IL1R2: variants seen among roughly 807,000 people sequenced by gnomAD.
IL1R2 encodes the protein interleukin-1 receptor type 2.
In IL1R2, 46 loss-of-function variants were observed where a neutral mutation model predicts 39.5. The observed-to-expected ratio is 1.16, with a 90% confidence interval of 0.92 to 1.49. The LOEUF (loss-of-function observed/expected upper bound fraction) is 1.49. Among genes scored for constraint, IL1R2 ranks in the 40% most tolerant of loss-of-function variants. IL1R2 has a pLI of 0.00. For missense variants in IL1R2, 537 were observed against 502.0 expected, an observed-to-expected ratio of 1.07 and a Z score of -0.67; for synonymous variants, 207 against 189.6, an observed-to-expected ratio of 1.09 and a Z score of -0.75.
chr2:102,013,218 C>A (rs1429613445), intron 3 of IL1R2, among the ~76,000 whole-genome samples: 1 of 152,088 alleles, frequency 6.6e-6, no homozygotes, highest in Non-Finnish European at 1.5e-5. Context: ...CAGTGTATGT[C>A]AAACTTTCTT....
intron 1 of IL1R2, among the ~76,000 whole-genome samples, chr2:101,992,740 C>T (rs190444139): frequency 9.4e-4 from 142 of 151,130 alleles, no homozygotes; most frequent in Non-Finnish European, 1.3e-3. Context: ...CAGAGAGAAA[C>T]ACAGAGACAG....
intron 1 of IL1R2, among the ~76,000 whole-genome samples, chr2:102,008,061 G>T (rs1207200468): frequency 6.6e-6 from 1 of 152,196 alleles, no homozygotes; most frequent in Non-Finnish European, 1.5e-5. Context: ...GGCTGATGAT[G>T]AATGCCACAG....
chr2:102,001,015 C>A (rs370893328), intron 1 of IL1R2, among the ~76,000 whole-genome samples: 26 of 152,276 alleles, frequency 1.7e-4, no homozygotes, highest in African/African-American at 6.3e-4. Context: ...AGGATGGTAA[C>A]TGTTCCAGGC....
intron 4 of IL1R2, among the ~76,000 whole-genome samples, chr2:102,017,125 T>C (rs1384976256): frequency 2.0e-5 from 3 of 152,048 alleles, no homozygotes; most frequent in Admixed American, 6.5e-5. Flanking sequence ...CAGCTGGGCG[T>C]GGTGGCTCAC....
intron 4 of IL1R2, among the ~76,000 whole-genome samples, chr2:102,017,749 A>G (rs1677100084): frequency 2.0e-5 from 3 of 146,372 alleles, no homozygotes; most frequent in Admixed American, 2.0e-4. Flanking sequence ...ACACAGCCAC[A>G]TCCTCTTGTT....
rs3218845 is a variant in IL1R2 at position 102,007,357 on chromosome 2, C to T, written c.-61-1158C>T. On this transcript the variant is annotated intron_variant, in intron 1 of 8. Coordinates refer to ENST00000332549, the MANE Select transcript of IL1R2 (RefSeq NM_004633.4). ...GTTAGCAGGACACCAAATCTCTTGGCGCATGTCAGAGTTGTATGTAAAACA... is the reference window on the plus strand; with the variant it reads ...GTTAGCAGGACACCAAATCTCTTGGTGCATGTCAGAGTTGTATGTAAAACA... Among the ~76,000 whole-genome samples the T allele has an allele frequency of 3.6e-3, 543 of 152,168 alleles. 2 individuals carry two copies. Among genetic ancestry groups the T allele is most frequent in the African/African-American group, 0.012 (507 of 41,528 alleles).
intron 1 of IL1R2, among the ~76,000 whole-genome samples, chr2:102,003,840 T>TCTGTGTCTGTGTCTGTGG (rs1676083433): frequency 9.7e-6 from 1 of 102,844 alleles, no homozygotes; most frequent in Non-Finnish European, 2.0e-5. Context: ...TGTGTCTGTG[T>TCTGTGTCTGTGTCTGTGG]CTGTGTCTGT....
Position 102,013,687 on chromosome 2 carries a change from T to C in IL1R2, c.333-2184T>C, listed in dbSNP as rs143414359. 2.1e-3 allele frequency among the ~76,000 whole-genome samples: 322 copies of C among 152,010 alleles called. 1 individual carries two copies. The highest frequency in any genetic ancestry group is 6.1e-3 in the African/African-American group (253 of 41,444). ...GCTTAAAATAACAAGGGCTTATTTC[T>C]TACACATGCAACAGGTCCATTGTGG... On this transcript the variant is annotated intron_variant, in intron 3 of 8. Coordinates refer to ENST00000332549, the MANE Select transcript of IL1R2 (RefSeq NM_004633.4).
chr2:102,018,923 C>T lies in IL1R2; in HGVS notation c.514-715C>T, dbSNP rs530862514. Among the ~76,000 whole-genome samples, 38 of 152,284 alleles carry T rather than the reference C, an allele frequency of 2.5e-4. 1 individual carries two copies. Among genetic ancestry groups the T allele is most frequent in the South Asian group, 1.5e-3 (7 of 4,824 alleles). ...GCAATTTCAATTTTATCTGTGTTCT[C>T]GTTCGGAGTAAGATTCTGAAGTGAC... On this transcript the variant is annotated intron_variant, in intron 4 of 8. Coordinates refer to ENST00000332549, the MANE Select transcript of IL1R2 (RefSeq NM_004633.4).
chr2:102,009,096 G>T (rs1676457044), intron 2 of IL1R2, among the ~76,000 whole-genome samples: 1 of 152,036 alleles, frequency 6.6e-6, no homozygotes, highest in East Asian at 1.9e-4. Flanking sequence ...GTGCGAATGT[G>T]CTTGTCAAAG....
intron 5 of IL1R2, among the ~76,000 whole-genome samples, chr2:102,021,786 A>G (rs548130080): frequency 2.9e-4 from 44 of 152,324 alleles, no homozygotes; most frequent in Middle Eastern, 3.4e-3. Context: ...AGTCTTGAGT[A>G]TTTTGTGGCA....
chr2:102,027,096 A>G (rs1677789454), intron 8 of IL1R2, among the ~76,000 whole-genome samples: 1 of 152,158 alleles, frequency 6.6e-6, no homozygotes, highest in Non-Finnish European at 1.5e-5. Context: ...CCAGCCTCAC[A>G]CTCACCTGAG....
At position 102,022,225 on chromosome 2, in the gene IL1R2, C is replaced by G. The variant is rs369134425; in HGVS notation, c.727C>G (p.Leu243Val). The change falls in exon 6 of 9, where the codon CTC becomes GTC. Residue 243 changes from leucine to valine, a missense_variant. Transcript: ENST00000332549. The stretch of plus-strand genomic sequence containing the variant: ...GACCATTCCTGTGATCATTTCCCCC[C>G]TCAAGACCATATCAGCTTCTCTGGG... ...EETIPVIISPLKTISASLGSR... is the reference protein window; with the variant it reads ...EETIPVIISPVKTISASLGSR... The G allele has an allele frequency of 1.4e-5, 22 of 1,613,690 alleles. No homozygotes were observed. In the African/African-American group the frequency reaches 2.5e-4, roughly 19 times the overall value.
intron 4 of IL1R2, among the ~76,000 whole-genome samples, chr2:102,018,961 T>C (rs994459431): frequency 1.3e-5 from 2 of 152,224 alleles, no homozygotes; most frequent in African/African-American, 4.8e-5. Flanking sequence ...AAGGTTATAT[T>C]TGACTGTTGC....
intron 1 of IL1R2, among the ~76,000 whole-genome samples, chr2:102,002,333 T>C (rs919275751): frequency 6.6e-6 from 1 of 150,668 alleles, no homozygotes; most frequent in Non-Finnish European, 1.5e-5. Flanking sequence ...TGTCTGTGTG[T>C]CTGTGTCTGC....
chr2:102,000,281 G>A (rs1346256852), intron 1 of IL1R2, among the ~76,000 whole-genome samples: 1 of 152,212 alleles, frequency 6.6e-6, no homozygotes, highest in African/African-American at 2.4e-5. Context: ...GTGCACACCA[G>A]GGTATGCCCA....
intron 1 of IL1R2, among the ~76,000 whole-genome samples, chr2:102,002,340 CTGCGGG>C (rs72399583): frequency 0.19 from 17,611 of 94,776 alleles, 1,182 homozygotes; most frequent in East Asian, 0.44. Context: ...GTGTCTGTGT[CTGCGGG>C]TGTGTCTGTG....
intron 1 of IL1R2, among the ~76,000 whole-genome samples, chr2:101,995,754 G>A (rs1355323288): frequency 6.6e-6 from 1 of 152,194 alleles, no homozygotes; most frequent in African/African-American, 2.4e-5. Flanking sequence ...GGTTAACTGC[G>A]TTGGACTATG....
intron 2 of IL1R2, among the ~76,000 whole-genome samples, chr2:102,009,025 C>T (rs528615770): frequency 1.3e-5 from 2 of 149,848 alleles, no homozygotes. Flanking sequence ...GAGACCCTGT[C>T]TCAAAAAAAT....
Sources: gnomAD v4.1 joint callset for allele counts (sites outside exome capture counted in the v4.1 genomes callset) on GRCh38, gnomAD v4.1.1 for gene constraint, MANE v1.5 for transcripts, NCBI Gene and HGNC (gene_info 2026-07-23, HGNC 2026-07-21) for gene names.